The following PRR23E variants were observed in gnomAD, a reference collection of about 807,000 sequenced individuals.
The protein encoded by PRR23E is proline-rich protein 23E.
the PRR23E span, chr3:127,196,497 C>G: frequency 1.1e-6 from 1 of 910,086 alleles, no homozygotes; most frequent in South Asian, 1.9e-5. Flanking sequence ...CTTGGCTCTT[C>G]TGTCACCTCA....
the PRR23E span, among the ~76,000 whole-genome samples, chr3:127,195,726 C>T: frequency 6.6e-6 from 1 of 152,186 alleles, no homozygotes; most frequent in Non-Finnish European, 1.5e-5. Context: ...CCGCACCAGC[C>T]TCCGCTCCTT....
At chr3:127,196,954 G>T in the PRR23E span, 16 of 1,599,350 alleles carry the variant, frequency 1.0e-5, no homozygotes, top group Admixed American at 6.7e-5. Flanking sequence ...CTCTGGATGG[G>T]TTATCCCCCT....
the PRR23E span, among the ~76,000 whole-genome samples, chr3:127,193,521 C>G: frequency 1.3e-5 from 2 of 152,100 alleles, no homozygotes; most frequent in African/African-American, 4.8e-5. Flanking sequence ...AGCCCCTCCC[C>G]TAAAAGCCAA....
the PRR23E span, chr3:127,196,449 G>C: frequency 1.7e-6 from 1 of 596,536 alleles, no homozygotes; most frequent in Non-Finnish European, 2.8e-6. Context: ...TCCTACCCAG[G>C]ACACCTTGCT....
At chr3:127,197,270 T>C in the PRR23E span, 4 of 1,599,396 alleles carry the variant, frequency 2.5e-6, no homozygotes, top group Admixed American at 6.7e-5. Context: ...CCAGGTTCGG[T>C]ATTTGGGCAC....
the PRR23E span, among the ~76,000 whole-genome samples, chr3:127,193,470 A>G: frequency 6.7e-6 from 1 of 150,084 alleles, no homozygotes; most frequent in African/African-American, 2.5e-5. Context: ...GTCGCACCCC[A>G]CCCTATGAGA....
At chr3:127,196,735 C>A in the PRR23E span, 1 of 1,594,712 alleles carries the variant, frequency 6.3e-7, no homozygotes. Context: ...GTCCGCCGTG[C>A]CTTCGAGGCC....
chr3:127,197,312 T>C, the PRR23E span: 1 of 1,598,300 alleles, frequency 6.3e-7, no homozygotes, highest in Non-Finnish European at 8.5e-7. Context: ...AGCTCCGCCC[T>C]CTGCCCCCTT....
At chr3:127,193,490 C>T in the PRR23E span, among the ~76,000 whole-genome samples, 13 of 152,094 alleles carry the variant, frequency 8.5e-5, no homozygotes, top group African/African-American at 3.1e-4. Flanking sequence ...ACAGCTCTCT[C>T]CAGCCTGTTC....
chr3:127,193,445 C>A, the PRR23E span, among the ~76,000 whole-genome samples: 1 of 152,088 alleles, frequency 6.6e-6, no homozygotes, highest in East Asian at 1.9e-4. Flanking sequence ...GTTCAGCAGG[C>A]CTGAAAGTGT....
the PRR23E span, among the ~76,000 whole-genome samples, chr3:127,193,594 T>C: frequency 6.6e-6 from 1 of 152,104 alleles, no homozygotes; most frequent in Non-Finnish European, 1.5e-5. Flanking sequence ...AGCTGCGAGG[T>C]GTGGGTAGAG....
the PRR23E span, chr3:127,193,215 G>A: frequency 6.6e-6 from 1 of 152,246 alleles, no homozygotes; most frequent in Non-Finnish European, 1.5e-5. Flanking sequence ...CAGCTCTGTT[G>A]ACAAACCTCA....
the PRR23E span, chr3:127,196,471 C>G: frequency 1.4e-6 from 1 of 703,702 alleles, no homozygotes; most frequent in African/African-American, 1.8e-5. Context: ...CCCATCCTCC[C>G]TGGAGATGCC....
At chr3:127,196,731 C>A in the PRR23E span, 1 of 1,594,396 alleles carries the variant, frequency 6.3e-7, no homozygotes, top group Non-Finnish European at 8.5e-7. Context: ...GAAGGTCCGC[C>A]GTGCCTTCGA....
At chr3:127,197,404 TTGAG>T in the PRR23E span, 1 of 1,554,992 alleles carries the variant, frequency 6.4e-7, no homozygotes, top group Non-Finnish European at 8.7e-7. Flanking sequence ...CGCCGCCTCT[TTGAG>T]TGCTAATCAG....
chr3:127,193,320 G>C, the PRR23E span: 2 of 152,338 alleles, frequency 1.3e-5, no homozygotes, highest in African/African-American at 2.4e-5. Context: ...GGATGGCTGA[G>C]GGGGTGGGGC....
At chr3:127,196,990 G>A in the PRR23E span, 6 of 1,599,218 alleles carry the variant, frequency 3.8e-6, no homozygotes, top group South Asian at 3.3e-5. Flanking sequence ...CCTTCAGTGT[G>A]GCTGTATTGG....
chr3:127,194,466 C>T, the PRR23E span, among the ~76,000 whole-genome samples: 2 of 152,222 alleles, frequency 1.3e-5, no homozygotes, highest in Non-Finnish European at 2.9e-5. Flanking sequence ...CAAGGATACG[C>T]GTATCACAGG....
chr3:127,196,399 G>A, the PRR23E span, among the ~76,000 whole-genome samples: 20,941 of 151,986 alleles, frequency 0.14, 1,839 homozygotes, highest in Admixed American at 0.21. Context: ...AATGCCTCAC[G>A]TGGCTGCTGT....
Sources: gnomAD v4.1 joint callset for allele counts (sites outside exome capture counted in the v4.1 genomes callset) on GRCh38, gnomAD v4.1.1 for gene constraint, MANE v1.5 for transcripts, NCBI Gene and HGNC (gene_info 2026-07-23, HGNC 2026-07-21) for gene names.